Variants in JMY observed in about 807,000 individuals in gnomAD.
JMY encodes the protein junction mediating and regulatory protein, p53 cofactor.
In JMY, 46 loss-of-function variants were observed where a neutral mutation model predicts 103.3. The ratio of observed to expected loss-of-function variants is 0.45; its 90% confidence interval spans 0.35 to 0.57. The LOEUF (loss-of-function observed/expected upper bound fraction) is 0.57. Among genes scored for constraint, JMY ranks in the 20% least tolerant of loss-of-function variants. The pLI, the probability that JMY is intolerant of heterozygous loss-of-function variation, is 0.00. For missense variants in JMY, 1,238 were observed against 1,255.2 expected, an observed-to-expected ratio of 0.99 and a Z score of 0.21; for synonymous variants, 526 against 489.3, an observed-to-expected ratio of 1.07 and a Z score of -0.99.
chr5:79,302,520 T>C (rs1400070583), intron 6 of JMY, among the ~76,000 whole-genome samples: 1 of 152,108 alleles, frequency 6.6e-6, no homozygotes, highest in African/African-American at 2.4e-5. Context: ...AACATCTGAA[T>C]AGAAATTGGC....
intron 1 of JMY, among the ~76,000 whole-genome samples, chr5:79,267,748 G>A (rs990554191): frequency 3.9e-5 from 6 of 152,156 alleles, no homozygotes; most frequent in Non-Finnish European, 8.8e-5. Flanking sequence ...ACATTTCATT[G>A]TATGGATGTA....
intron 4 of JMY, among the ~76,000 whole-genome samples, chr5:79,293,488 C>A (rs1017523240): frequency 7.9e-5 from 12 of 151,692 alleles, no homozygotes; most frequent in Non-Finnish European, 1.3e-4. Flanking sequence ...TAACTCATGG[C>A]CTCAAGAGAC....
At chr5:79,279,086 C>A (rs1163912084) in intron 2 of JMY, among the ~76,000 whole-genome samples, 6 of 152,190 alleles carry the variant, frequency 3.9e-5, no homozygotes, top group African/African-American at 1.2e-4. Context: ...GTAATCCCAG[C>A]ACTTTGGGAG....
At chr5:79,246,911 C>T (rs1331393954) in intron 1 of JMY, among the ~76,000 whole-genome samples, 1 of 151,976 alleles carries the variant, frequency 6.6e-6, no homozygotes, top group Non-Finnish European at 1.5e-5. Flanking sequence ...ATAAAGCACT[C>T]AGAACAGTGC....
chr5:79,257,521 T>C (rs1245677374), intron 1 of JMY, among the ~76,000 whole-genome samples: 1 of 152,142 alleles, frequency 6.6e-6, no homozygotes, highest in Non-Finnish European at 1.5e-5. Context: ...GAGGATCACC[T>C]GAAACCAGGA....
chr5:79,292,034 T>C (rs1212485163), intron 4 of JMY, among the ~76,000 whole-genome samples: 3 of 152,328 alleles, frequency 2.0e-5, no homozygotes, highest in East Asian at 1.9e-4. Flanking sequence ...ACACTTTTTG[T>C]TGATGGATTT....
At chr5:79,314,141 G>C in intron 8 of JMY, 116 bp from the exon 9 acceptor site, 1 of 1,477,420 alleles carries the variant, frequency 6.8e-7, no homozygotes, top group Non-Finnish European at 8.9e-7. Context: ...TTACAGGCGT[G>C]AGCCACCACA....
At position 79,300,694 on chromosome 5, in the gene JMY, T is replaced by G; in HGVS notation, c.1712T>G (p.Val571Gly). The change falls in exon 6 of 11, where the codon GTA becomes GGA. Residue 571 changes from valine (V) to glycine (G), a missense_variant. Physicochemically the swap from Val to Gly is moderately radical, Grantham distance 109. Transcript: ENST00000396137. ...GTAACAGAAAAAAGAGATGAAGTGG[T>G]ATACTATGACACTTACGAAAGCATG... ...RLISEKRDEV[V>G]YYDTYESMEA... is the part of the protein sequence containing the mutation. The G allele has an allele frequency of 6.2e-7, 1 of 1,601,408 alleles. No individual in the cohort carries two copies. The highest frequency in any genetic ancestry group is 8.5e-7 in the Non-Finnish European group (1 of 1,176,714).
intron 1 of JMY, among the ~76,000 whole-genome samples, chr5:79,253,029 G>C (rs1213463089): frequency 6.6e-6 from 1 of 151,990 alleles, no homozygotes; most frequent in Non-Finnish European, 1.5e-5. Flanking sequence ...TTTTTCTGGT[G>C]ATACTATTTA....
chr5:79,297,691 C>T (rs1050254145), intron 4 of JMY, among the ~76,000 whole-genome samples: 1 of 152,150 alleles, frequency 6.6e-6, no homozygotes, highest in Non-Finnish European at 1.5e-5. Flanking sequence ...TTTAGCTTTT[C>T]CCAAAGTCCA....
At position 79,270,469 on chromosome 5, in the gene JMY, G is replaced by GTA. The variant is rs1561297702; in HGVS notation, c.1033-7437_1033-7436dup. On this transcript the variant is annotated intron_variant, in intron 1 of 10. Coordinates refer to ENST00000396137, the MANE Select transcript of JMY (RefSeq NM_152405.5). ...ATATATTTACATAAATATTTAAAATGTATATTTACATAAATATTTACATAA... is the reference window on the plus strand; with the variant it reads ...ATATATTTACATAAATATTTAAAATGTATATATTTACATAAATATTTACATAA... Among the ~76,000 whole-genome samples the GTA allele has an allele frequency of 2.6e-3, 145 of 56,130 alleles. 11 individuals are homozygous for GTA. Among genetic ancestry groups the GTA allele is most frequent in the Middle Eastern group, 0.013 (1 of 78 alleles). The allele number at this position is 56,130 out of a possible 152,430, so 36.8% of individuals were successfully genotyped here.
chr5:79,246,015 C>G (rs1744889331), intron 1 of JMY, among the ~76,000 whole-genome samples: 1 of 152,112 alleles, frequency 6.6e-6, no homozygotes, highest in Non-Finnish European at 1.5e-5. Context: ...TTGAGAAAGC[C>G]TAAATTCACT....
chr5:79,267,663 C>T (rs983148594), intron 1 of JMY, among the ~76,000 whole-genome samples: 1 of 152,214 alleles, frequency 6.6e-6, no homozygotes, highest in African/African-American at 2.4e-5. Context: ...AATCCTCTTA[C>T]CTTGCTCTCA....
intron 6 of JMY, among the ~76,000 whole-genome samples, chr5:79,303,035 A>AC: frequency 6.6e-6 from 1 of 152,262 alleles, no homozygotes. Flanking sequence ...TGATGGTGTC[A>AC]CCAACCAAGA....
intron 1 of JMY, among the ~76,000 whole-genome samples, chr5:79,242,127 C>T (rs1326409301): frequency 6.6e-6 from 1 of 152,144 alleles, no homozygotes; most frequent in African/African-American, 2.4e-5. Context: ...AAGATGTGCT[C>T]AATTCTAACT....
At chr5:79,291,633 G>C (rs943902972) in intron 4 of JMY, among the ~76,000 whole-genome samples, 5 of 152,186 alleles carry the variant, frequency 3.3e-5, no homozygotes, top group Admixed American at 2.6e-4. Context: ...GAGAAATTCA[G>C]TAAAATTTCT....
chr5:79,240,050 C>G (rs180994615), intron 1 of JMY, among the ~76,000 whole-genome samples: 154 of 151,020 alleles, frequency 1.0e-3, no homozygotes, highest in African/African-American at 3.6e-3. Context: ...GAGTCTCGCT[C>G]TGTCGCCCAG....
intron 1 of JMY, among the ~76,000 whole-genome samples, chr5:79,274,481 C>T (rs1745879284): frequency 6.6e-6 from 1 of 151,948 alleles, no homozygotes; most frequent in African/African-American, 2.4e-5. Flanking sequence ...GATCTCAGCT[C>T]ATTGCAACCT....
chr5:79,250,467 G>A (rs868358398), intron 1 of JMY, among the ~76,000 whole-genome samples: 2 of 151,768 alleles, frequency 1.3e-5, no homozygotes, highest in Non-Finnish European at 1.5e-5. Context: ...TACTTTGTTT[G>A]TAGGCGTCCC....
Sources: gnomAD v4.1 joint callset for allele counts (sites outside exome capture counted in the v4.1 genomes callset) on GRCh38, gnomAD v4.1.1 for gene constraint, MANE v1.5 for transcripts, NCBI Gene and HGNC (gene_info 2026-07-23, HGNC 2026-07-21) for gene names.